The following MICAL2 variants were observed in gnomAD, a reference collection of about 807,000 sequenced individuals.
MICAL2 encodes [F-actin]-monooxygenase MICAL2.
A neutral mutation model predicts 127.3 loss-of-function variants in MICAL2; 77 were observed. The observed-to-expected ratio is 0.60, with a 90% CI of 0.50 to 0.73. MICAL2 has a LOEUF of 0.73. Ranked by LOEUF, MICAL2 falls within the 30% of genes least tolerant of loss-of-function variation. The probability of loss-of-function intolerance (pLI) is 0.00; values close to 1 mark genes in which losing one functional copy is unlikely to be tolerated. For missense variants in MICAL2, 1,351 were observed against 1,434.4 expected (o/e 0.94, Z 0.94); for synonymous variants, 570 against 551.1 (o/e 1.03, Z -0.48).
At chr11:12,270,590 G>A (rs1287048466) in intron 24 of MICAL2, among the ~76,000 whole-genome samples, 2 of 152,144 alleles carry the variant, frequency 1.3e-5, no homozygotes, top group South Asian at 2.1e-4. Flanking sequence ...TAGCTCTTCC[G>A]GCACCATTGC....
chr11:12,271,612 T>A (rs1355084107), upstream of MICAL2, among the ~76,000 whole-genome samples: 2 of 152,202 alleles, frequency 1.3e-5, no homozygotes, highest in East Asian at 3.9e-4. Context: ...TGAAGGCATA[T>A]GGGCACTCGA....
Position 12,336,469 on chromosome 11 carries a change from A to G in MICAL2, c.5515+9203A>G, listed in dbSNP as rs923646398. ...TTCCTTCTCCTGCCTGATTGCCCTG[A>G]CCAGAACTTCCAAAACTATGTTGAA... is the stretch of plus-strand genomic sequence containing the variant. On this transcript the variant is annotated intron_variant, in intron 32 of 34. Coordinates refer to the MICAL2 transcript ENST00000646065. Among the ~76,000 whole-genome samples, 5 of 152,274 alleles carry G rather than the reference A, an allele frequency of 3.3e-5. No individual in the cohort carries two copies. In the East Asian group the frequency reaches 9.6e-4, roughly 29 times the overall value.
intron 32 of MICAL2, among the ~76,000 whole-genome samples, chr11:12,329,473 G>A (rs577578563): frequency 8.8e-4 from 134 of 152,336 alleles, no homozygotes; most frequent in African/African-American, 3.1e-3. Flanking sequence ...CCAAGAGGTG[G>A]CATGGTGGGA....
chr11:12,200,464 G>A (rs910426553), intron 3 of MICAL2, among the ~76,000 whole-genome samples: 12 of 152,164 alleles, frequency 7.9e-5, no homozygotes, highest in South Asian at 2.1e-4. Flanking sequence ...GCCCGGGCAC[G>A]TGGCTGCCAT....
At chr11:12,206,653 A>G (rs1176456576) in intron 4 of MICAL2, among the ~76,000 whole-genome samples, 1 of 152,058 alleles carries the variant, frequency 6.6e-6, no homozygotes, top group African/African-American at 2.4e-5. Flanking sequence ...TGTCTGTGTT[A>G]ACTTCCTCCT....
At position 12,162,505 on chromosome 11, in the gene MICAL2, T is replaced by C; in HGVS notation, c.264+86T>C. On this transcript the variant is annotated intron_variant, in intron 3 of 27. Transcript: ENST00000683283. ...TAGGAAGCTGTTGCCATTTTGGCACTCTACGGTTCTTAGGTGTGGGTGTGA... is the reference window on the plus strand; with the variant it reads ...TAGGAAGCTGTTGCCATTTTGGCACCCTACGGTTCTTAGGTGTGGGTGTGA... 2.0e-6 allele frequency: 3 copies of C among 1,497,536 alleles called. No individual in the cohort carries two copies. In the South Asian group the frequency reaches 3.8e-5, roughly 19 times the overall value. The allele number at this position is 1,497,536 out of a possible 1,614,324, so 92.8% of individuals were successfully genotyped here.
At chr11:12,201,572 C>A (rs2134105100) in intron 3 of MICAL2, among the ~76,000 whole-genome samples, 1 of 152,176 alleles carries the variant, frequency 6.6e-6, no homozygotes, top group East Asian at 1.9e-4. Flanking sequence ...CTCATTCTTT[C>A]AGCCAGAGTA....
At chr11:12,128,150 T>C (rs1851102920) in intron 1 of MICAL2, among the ~76,000 whole-genome samples, 1 of 152,202 alleles carries the variant, frequency 6.6e-6, no homozygotes, top group South Asian at 2.1e-4. Context: ...CAGGATTAAA[T>C]GAGATCATCC....
downstream of MICAL2, among the ~76,000 whole-genome samples, chr11:12,267,676 G>A (rs112836099): frequency 0.012 from 1,834 of 152,138 alleles, 35 homozygotes; most frequent in African/African-American, 0.04. Context: ...ATGTCAGCTC[G>A]CTGCAAACTT....
intron 2 of MICAL2, among the ~76,000 whole-genome samples, chr11:12,146,569 C>G (rs1375699675): frequency 6.6e-6 from 1 of 152,152 alleles, no homozygotes; most frequent in Non-Finnish European, 1.5e-5. Flanking sequence ...ACAACAGGTG[C>G]TGGAGAGGAT....
intron 2 of MICAL2, 157 bp from the exon 3 acceptor site, chr11:12,161,922 T>G (rs1854851692): frequency 1.7e-6 from 1 of 579,614 alleles, no homozygotes; most frequent in Admixed American, 3.1e-5. Flanking sequence ...GGCACAATTC[T>G]GTATCTGTTA....
intron 16 of MICAL2, among the ~76,000 whole-genome samples, chr11:12,237,536 T>C (rs2706637): frequency 0.86 from 131,244 of 152,144 alleles, 57,887 homozygotes; most frequent in Middle Eastern, 0.98. Context: ...TCTTTTCCTA[T>C]GTTTCACCCA....
chr11:12,255,647 C>T lies in MICAL2; in HGVS notation c.2852C>T (p.Thr951Met), dbSNP rs765434957. Reference sequence around the variant, plus strand: ...TCTGCCTCTGCTCTTGGTTAGCTGACGGTAGGGAAAGTGTCCAGCGGAATA... The same window carrying T: ...TCTGCCTCTGCTCTTGGTTAGCTGATGGTAGGGAAAGTGTCCAGCGGAATA... ...SHLRTVHPQL[T>M]VGKVSSGIGA... Residue 951 changes from threonine (T) to methionine (M), a missense_variant, in exon 23 of 28, where the codon ACG becomes ATG. By Grantham distance (81) the Thr-to-Met change is moderately conservative. Transcript: ENST00000683283. The T allele has an allele frequency of 1.2e-4, 199 of 1,613,798 alleles. No individual in the cohort carries two copies. The highest frequency in any genetic ancestry group is 1.8e-4 in the Admixed American group (11 of 59,968).
intron 8 of MICAL2, among the ~76,000 whole-genome samples, chr11:12,219,270 G>C (rs1366658884): frequency 1.3e-5 from 2 of 152,056 alleles, no homozygotes; most frequent in Non-Finnish European, 2.9e-5. Flanking sequence ...GGACTCTGGG[G>C]ATACACTAAA....
chr11:12,286,858 G>A (rs1356255477), intron 2 of MICAL2: 3 of 320,562 alleles, frequency 9.4e-6, no homozygotes, highest in Admixed American at 5.0e-5. Flanking sequence ...CTGGTGACAA[G>A]CAAACAAAAA....
intron 1 of MICAL2, among the ~76,000 whole-genome samples, chr11:12,279,722 C>T (rs997262546): frequency 6.6e-6 from 1 of 152,222 alleles, no homozygotes; most frequent in African/African-American, 2.4e-5. Context: ...GAGAGGCTGT[C>T]TCCACACATG....
intron 2 of MICAL2, among the ~76,000 whole-genome samples, chr11:12,138,947 C>A (rs1489817050): frequency 6.6e-6 from 1 of 152,138 alleles, no homozygotes; most frequent in Non-Finnish European, 1.5e-5. Flanking sequence ...GACATGGAGG[C>A]TGGGGTCTGA....
At chr11:12,229,530 A>C (rs531376985) in intron 15 of MICAL2, among the ~76,000 whole-genome samples, 3 of 152,366 alleles carry the variant, frequency 2.0e-5, no homozygotes, top group Non-Finnish European at 2.9e-5. Flanking sequence ...TCTCCGAGAC[A>C]GACATTTACT....
At position 12,242,234 on chromosome 11, in the gene MICAL2, G is replaced by A. The variant is rs1382646031; in HGVS notation, c.2358G>A (p.Thr786=). ...LKRQFPSVVV[T]GHVLRELKQV... is the part of the protein sequence containing the mutation. ...CCCAGTTCCCCTCTGTGGTCGTGAC[G>A]GGGCACGTGCTCAGAGAGCTCAAGC... Residue 786 remains threonine (T), a synonymous_variant, in exon 19 of 28, where the codon ACG becomes ACA. Coordinates refer to ENST00000683283, the MANE Select transcript of MICAL2 (RefSeq NM_001282663.2). 8.7e-6 allele frequency: 14 copies of A among 1,608,322 alleles called. No homozygotes were observed. The South Asian group carries it at 8.8e-5, about 10-fold the overall frequency.
Sources: allele counts gnomAD v4.1 joint callset (sites outside exome capture counted in the v4.1 genomes callset), GRCh38; gene constraint gnomAD v4.1.1; transcripts MANE v1.5; gene names NCBI Gene and HGNC (gene_info 2026-07-23, HGNC 2026-07-21).